Variants in MTHFD1L observed in about 807,000 individuals in gnomAD.
The protein encoded by MTHFD1L is monofunctional C1-tetrahydrofolate synthase, mitochondrial.
In MTHFD1L, 81 loss-of-function variants were observed where a neutral mutation model predicts 119.5. That is an observed-to-expected ratio of 0.68 (90% confidence interval 0.57 to 0.82). MTHFD1L has a LOEUF of 0.82. Among genes scored for constraint, MTHFD1L ranks in the 40% least tolerant of loss-of-function variants. MTHFD1L has a pLI of 0.00. For synonymous variants in MTHFD1L, 430 were observed against 475.2 expected (o/e 0.90, Z 1.24); for missense variants, 1,125 against 1,253.4 (o/e 0.90, Z 1.55).
chr6:151,013,905 G>C, intron 22 of MTHFD1L, 85 bp downstream of exon 22: 2 of 1,190,302 alleles, frequency 1.7e-6, no homozygotes, highest in Non-Finnish European at 2.5e-6. Flanking sequence ...CCCTCCTTCA[G>C]TGGCCTCTTA....
chr6:150,910,201 G>A (rs944032973), intron 8 of MTHFD1L, among the ~76,000 whole-genome samples: 2 of 150,202 alleles, frequency 1.3e-5, no homozygotes, highest in Non-Finnish European at 3.0e-5. Flanking sequence ...AAAAAAAAAT[G>A]TAGTGGAAAG....
intron 17 of MTHFD1L, among the ~76,000 whole-genome samples, chr6:150,958,768 T>C (rs746189012): frequency 6.6e-6 from 1 of 152,230 alleles, no homozygotes; most frequent in Admixed American, 6.5e-5. Flanking sequence ...TTGAAATATT[T>C]TATTTGCAAA....
At chr6:151,010,848 G>T (rs767433342) in intron 21 of MTHFD1L, among the ~76,000 whole-genome samples, 60 of 152,196 alleles carry the variant, frequency 3.9e-4, no homozygotes, top group Non-Finnish European at 1.9e-4. Context: ...ATACTGTACT[G>T]TGTATGTGAC....
At chr6:151,099,658 G>T in intron 27 of MTHFD1L, 1 of 1,605,532 alleles carries the variant, frequency 6.2e-7, no homozygotes, top group Non-Finnish European at 8.5e-7. Flanking sequence ...TGACAACAGG[G>T]TTCGTAGAAG....
chr6:150,916,491 T>TG (rs1787934520), intron 8 of MTHFD1L, among the ~76,000 whole-genome samples: 2 of 65,582 alleles, frequency 3.0e-5, no homozygotes, highest in Non-Finnish European at 5.5e-5. Context: ...TTTTTTTTTT[T>TG]TTTTTTTTGG....
intron 13 of MTHFD1L, among the ~76,000 whole-genome samples, chr6:150,943,401 C>A (rs573536826): frequency 5.5e-4 from 84 of 151,954 alleles, no homozygotes; most frequent in African/African-American, 1.8e-3. Flanking sequence ...GGGGCTGAAG[C>A]GAGAGGATCA....
chr6:150,980,013 C>T (rs1777215040), intron 20 of MTHFD1L, among the ~76,000 whole-genome samples: 1 of 152,042 alleles, frequency 6.6e-6, no homozygotes, highest in African/African-American at 2.4e-5. Context: ...AGTGATCCTG[C>T]AGCTCTAAGC....
At chr6:150,995,635 C>A (rs1779718934) in intron 20 of MTHFD1L, among the ~76,000 whole-genome samples, 2 of 151,900 alleles carry the variant, frequency 1.3e-5, no homozygotes, top group South Asian at 4.2e-4. Flanking sequence ...TTCTTCCTTA[C>A]ATTAAATTTT....
rs189729165 is a variant in MTHFD1L, at chr6:151,062,607, T to C, written c.2847+25490T>C. On this transcript the variant is annotated intron_variant, in intron 26 of 27. Coordinates refer to ENST00000367321, the MANE Select transcript of MTHFD1L (RefSeq NM_015440.5). ...AGATAGATGAAGAACACATCTTATATATTAGGACTGTGTTGGGGGCAGGAG... is the reference window on the plus strand; with the variant it reads ...AGATAGATGAAGAACACATCTTATACATTAGGACTGTGTTGGGGGCAGGAG... Among the ~76,000 whole-genome samples the C allele has an allele frequency of 2.0e-5, 3 of 152,308 alleles. No individual in the cohort carries two copies. In the East Asian group the frequency reaches 5.8e-4, roughly 29 times the overall value.
At chr6:150,962,827 C>T (rs1344667299) in intron 18 of MTHFD1L, among the ~76,000 whole-genome samples, 1 of 152,056 alleles carries the variant, frequency 6.6e-6, no homozygotes, top group Admixed American at 6.5e-5. Flanking sequence ...AAAACTACTC[C>T]TCTTCTTCCA....
chr6:151,043,089 T>C (rs1787380331), intron 26 of MTHFD1L, among the ~76,000 whole-genome samples: 1 of 151,966 alleles, frequency 6.6e-6, no homozygotes, highest in Non-Finnish European at 1.5e-5. Context: ...CCATAAGAAG[T>C]GTATTCAGTA....
In MTHFD1L at chr6:150,877,619, T is replaced by A. The variant is rs752586838; in HGVS notation, c.313-15T>A. ...AGCTATTTTTATGTTGTTATGTTGT[T>A]TTTACCTTCCTAAGGCAGGTGACGA... On this transcript the variant is annotated splice_polypyrimidine_tract_variant and intron_variant, in intron 2 of 27. Coordinates refer to ENST00000367321, the MANE Select transcript of MTHFD1L (RefSeq NM_015440.5). 2 of 1,613,882 alleles carry A rather than the reference T, an allele frequency of 1.2e-6. No individual in the cohort carries two copies. The highest frequency in any genetic ancestry group is 1.1e-5 in the South Asian group (1 of 91,056).
intron 26 of MTHFD1L, among the ~76,000 whole-genome samples, chr6:151,075,503 A>G (rs924924061): frequency 1.3e-5 from 2 of 152,206 alleles, no homozygotes; most frequent in Admixed American, 6.5e-5. Flanking sequence ...GAAGAAAAAA[A>G]AAGATAAAAT....
At chr6:151,049,068 A>G (rs11155770) in intron 26 of MTHFD1L, among the ~76,000 whole-genome samples, 85,661 of 152,128 alleles carry the variant, frequency 0.56, 26,098 homozygotes, top group African/African-American at 0.81. Context: ...TAAAAACCGC[A>G]TTCACAGCCG....
rs200444309 is a variant in MTHFD1L, at chr6:150,918,558, T to C, written c.893-19T>C. 3.2e-6 allele frequency: 5 copies of C among 1,582,580 alleles called. No homozygotes were observed. In the South Asian group the frequency reaches 3.3e-5, roughly 10 times the overall value. Reference sequence around the variant, plus strand: ...GACAGTGTACTGAAAGTCTTTTTTTTCCCTCCAATTTTTTACAGGGAAGGT... The same window carrying C: ...GACAGTGTACTGAAAGTCTTTTTTTCCCCTCCAATTTTTTACAGGGAAGGT... On this transcript the variant is annotated intron_variant, in intron 8 of 27. Coordinates refer to ENST00000367321, the MANE Select transcript of MTHFD1L (RefSeq NM_015440.5).
chr6:151,017,597 G>A (rs1406739453), intron 24 of MTHFD1L, among the ~76,000 whole-genome samples: 3 of 151,966 alleles, frequency 2.0e-5, no homozygotes, highest in South Asian at 2.1e-4. Flanking sequence ...CACCCACCTC[G>A]GCTTCCCAAA....
intron 26 of MTHFD1L, among the ~76,000 whole-genome samples, chr6:151,065,194 T>C (rs1179930768): frequency 6.6e-6 from 1 of 152,196 alleles, no homozygotes; most frequent in East Asian, 1.9e-4. Context: ...CACTCCAGTC[T>C]GACAGCTAGG....
intron 26 of MTHFD1L, among the ~76,000 whole-genome samples, chr6:151,038,649 T>C (rs1786579995): frequency 6.6e-6 from 1 of 152,078 alleles, no homozygotes; most frequent in African/African-American, 2.4e-5. Flanking sequence ...CTGGCAGCAA[T>C]ATGGAGAATG....
At position 150,974,338 on chromosome 6, in the gene MTHFD1L, A is replaced by G. The variant is rs541361318; in HGVS notation, c.2125+2280A>G. Among the ~76,000 whole-genome samples the G allele has an allele frequency of 5.3e-5, 8 of 152,232 alleles. No homozygotes were observed. In the East Asian group the frequency reaches 1.3e-3, roughly 26 times the overall value. On this transcript the variant is annotated intron_variant, in intron 20 of 27. Transcript: ENST00000367321. ...ACTCCTGGCTGTCATTGTTACCCCC[A>G]CTATTGATACACTACTGATGAAGGT...
Sources: allele counts gnomAD v4.1 joint callset (sites outside exome capture counted in the v4.1 genomes callset), GRCh38; gene constraint gnomAD v4.1.1; transcripts MANE v1.5; gene names NCBI Gene and HGNC (gene_info 2026-07-23, HGNC 2026-07-21).